The following CTSH variants were observed in gnomAD, a reference collection of about 807,000 sequenced individuals.
CTSH encodes cathepsin H.
A neutral mutation model predicts 56.3 loss-of-function variants in CTSH; 52 were observed. The ratio of observed to expected loss-of-function variants is 0.92; its 90% confidence interval spans 0.74 to 1.16. The LOEUF is 1.16. CTSH is among the 50% of genes most tolerant of loss of function. The probability of loss-of-function intolerance (pLI) is 0.00; values close to 1 mark genes in which losing one functional copy is unlikely to be tolerated. For missense variants in CTSH, 406 were observed against 424.5 expected (o/e 0.96, Z 0.38); for synonymous variants, 174 against 155.7 (o/e 1.12, Z -0.88).
intron 8 of CTSH, among the ~76,000 whole-genome samples, chr15:78,929,043 T>G (rs2054986862): frequency 1.3e-5 from 2 of 150,804 alleles, no homozygotes; most frequent in African/African-American, 2.4e-5. Context: ...CCCCAAAGGG[T>G]CCTTGGCACA....
intron 6 of CTSH, 29 bp from the exon 7 acceptor site, chr15:78,931,535 G>C: frequency 6.2e-7 from 1 of 1,614,142 alleles, no homozygotes. Context: ...CCAGTGACCT[G>C]CCAGCTGAGA....
chr15:78,942,336 C>T (rs2055313499), intron 1 of CTSH, among the ~76,000 whole-genome samples: 1 of 151,966 alleles, frequency 6.6e-6, no homozygotes, highest in South Asian at 2.1e-4. Context: ...TCTCAGCCTC[C>T]CAAGTAGCTG....
intron 10 of CTSH, among the ~76,000 whole-genome samples, chr15:78,924,364 G>T (rs1473118628): frequency 6.6e-6 from 1 of 152,156 alleles, no homozygotes; most frequent in Non-Finnish European, 1.5e-5. Flanking sequence ...AAGGCAGACA[G>T]CTCCCAGTGG....
chr15:78,924,119 A>AGGGGGGG (rs1567345760), intron 10 of CTSH, among the ~76,000 whole-genome samples: 7 of 2,284 alleles, frequency 3.1e-3, no homozygotes, highest in African/African-American at 6.9e-3. Flanking sequence ...GAGGGTGGGC[A>AGGGGGGG]GGGTGGGTCA....
intron 11 of CTSH, 34 bp from the exon 12 acceptor site, chr15:78,922,239 G>C: frequency 3.9e-6 from 6 of 1,539,216 alleles, no homozygotes; most frequent in Non-Finnish European, 4.4e-6. Flanking sequence ...CCCGGCCGGC[G>C]GTCTCCCCAC....
rs1363198307 is a variant in CTSH at position 78,944,880 on chromosome 15, C to T, written c.91+11G>A. On this transcript the variant is annotated intron_variant, in intron 1 of 11. Coordinates refer to ENST00000220166, the MANE Select transcript of CTSH (RefSeq NM_004390.5). The stretch of plus-strand genomic sequence containing the variant: ...GCTAGCACCCTCTCGGGCGGCGCGC[C>T]CTCTGCGTACCTAAGGAGTTCACGC... 3 of 1,545,466 alleles carry T rather than the reference C, an allele frequency of 1.9e-6. No homozygotes were observed. Among genetic ancestry groups the T allele is most frequent in the African/African-American group, 2.7e-5 (2 of 72,764 alleles).
intron 10 of CTSH, among the ~76,000 whole-genome samples, chr15:78,925,090 T>C (rs2054873879): frequency 6.6e-6 from 1 of 152,212 alleles, no homozygotes; most frequent in Non-Finnish European, 1.5e-5. Context: ...CCAGGTGGCC[T>C]GTGTCTGTCG....
At chr15:78,940,248 T>C (rs1454832968) in intron 1 of CTSH, among the ~76,000 whole-genome samples, 1 of 152,228 alleles carries the variant, frequency 6.6e-6, no homozygotes, top group Non-Finnish European at 1.5e-5. Flanking sequence ...CATTTTAAAT[T>C]TGAATACCTC....
intron 2 of CTSH, chr15:78,937,717 T>C: frequency 7.3e-7 from 1 of 1,360,740 alleles, no homozygotes; most frequent in Non-Finnish European, 9.7e-7. Flanking sequence ...TGGACGCCAC[T>C]GCTGGTGCTG....
chr15:78,927,390 G>T, intron 9 of CTSH: 1 of 384,916 alleles, frequency 2.6e-6, no homozygotes, highest in South Asian at 3.0e-5. Context: ...CACACACGCT[G>T]TGTCAAGCAC....
chr15:78,934,977 C>A lies in CTSH; in HGVS notation c.405+1G>T. 5 of 1,605,492 alleles carry A rather than the reference C, an allele frequency of 3.1e-6. No individual in the cohort carries two copies. Among genetic ancestry groups the A allele is most frequent in the East Asian group, 2.2e-5 (1 of 44,834 alleles). ...GAGAGGATGGAGATTGCCAGGCATA[C>A]CTGATTTTTCACAGGTGAGACAAAA... On this transcript the variant is annotated splice_donor_variant, in intron 5 of 11. Coordinates refer to ENST00000220166, the MANE Select transcript of CTSH (RefSeq NM_004390.5). LOFTEE classifies it high-confidence loss of function.
At chr15:78,923,542 G>A (rs1457827915) in intron 10 of CTSH, among the ~76,000 whole-genome samples, 1 of 152,170 alleles carries the variant, frequency 6.6e-6, no homozygotes, top group Non-Finnish European at 1.5e-5. Context: ...ACCCACCTCG[G>A]CCTCCCAAAG....
intron 10 of CTSH, 68 bp downstream of exon 10, chr15:78,925,266 G>A (rs911124601): frequency 8.9e-5 from 88 of 988,752 alleles, no homozygotes; most frequent in Non-Finnish European, 1.3e-4. Context: ...AGTCCCACGA[G>A]TGGGGTGTGA....
intron 10 of CTSH, among the ~76,000 whole-genome samples, chr15:78,924,968 G>T (rs1464982542): frequency 2.6e-5 from 4 of 151,846 alleles, no homozygotes; most frequent in African/African-American, 7.3e-5. Context: ...AGTGCTGGGA[G>T]TACAGGCATG....
intron 9 of CTSH, chr15:78,926,855 G>A (rs1008832837): frequency 2.8e-4 from 42 of 152,222 alleles, no homozygotes; most frequent in African/African-American, 9.9e-4. Flanking sequence ...GCGTATTGAG[G>A]GTTGGTACAG....
intron 6 of CTSH, 116 bp from the exon 7 acceptor site, chr15:78,931,622 A>G (rs1393750542): frequency 5.7e-6 from 9 of 1,568,840 alleles, no homozygotes; most frequent in African/African-American, 1.4e-5. Context: ...TGCTGTGTCA[A>G]GGTGACCAAA....
chr15:78,927,869 A>C, intron 8 of CTSH, 88 bp from the exon 9 acceptor site: 1 of 1,067,914 alleles, frequency 9.4e-7, no homozygotes, highest in Non-Finnish European at 1.5e-6. Context: ...TACTAAACAA[A>C]ACAAGATGTG....
Position 78,922,215 on chromosome 15 carries a change from AAG to A in CTSH, c.933-12_933-11del. On this transcript the variant is annotated splice_polypyrimidine_tract_variant and intron_variant, in intron 11 of 11. Transcript: ENST00000220166. ...CTCGATGAGGAAGTACCTGGGCAGAAAGAGGAGCTGAGGCCCGGCCGGCGGTC... is the reference window on the plus strand; with the variant it reads ...CTCGATGAGGAAGTACCTGGGCAGAAAGGAGCTGAGGCCCGGCCGGCGGTC... 1 of 1,568,226 alleles carries A rather than the reference AAG, an allele frequency of 6.4e-7. No individual in the cohort carries two copies. The highest frequency in any genetic ancestry group is 8.6e-7 in the Non-Finnish European group (1 of 1,156,824).
rs772548523 is a variant in CTSH, at chr15:78,937,770, G to T, written c.124-347C>A. 21 of 1,311,012 alleles carry T rather than the reference G, an allele frequency of 1.6e-5. No individual in the cohort carries two copies. In the East Asian group the frequency reaches 3.6e-4, roughly 22 times the overall value. The allele number at this position is 1,311,012 out of a possible 1,614,324, so 81.2% of individuals were successfully genotyped here. ...AGATCACCATTTTTCAAAAGCACATGCACTGGTGTTCCCCAACTGATTCTG... is the reference window on the plus strand; with the variant it reads ...AGATCACCATTTTTCAAAAGCACATTCACTGGTGTTCCCCAACTGATTCTG... On this transcript the variant is annotated intron_variant, in intron 2 of 11. Coordinates refer to ENST00000220166, the MANE Select transcript of CTSH (RefSeq NM_004390.5).
Sources: gnomAD v4.1 joint callset for allele counts (sites outside exome capture counted in the v4.1 genomes callset) on GRCh38, gnomAD v4.1.1 for gene constraint, MANE v1.5 for transcripts, NCBI Gene and HGNC (gene_info 2026-07-23, HGNC 2026-07-21) for gene names.